The following KCNQ3 variants were observed in gnomAD, a reference collection of about 807,000 sequenced individuals.
KCNQ3 encodes potassium voltage-gated channel subfamily Q member 3.
Under a neutral mutation model 92.5 loss-of-function variants are expected in KCNQ3, and 30 were observed. The observed-to-expected ratio is 0.32, with a 90% CI of 0.24 to 0.44. The LOEUF (loss-of-function observed/expected upper bound fraction) is 0.44. Ranked by LOEUF, KCNQ3 falls within the 20% of genes least tolerant of loss-of-function variation. The probability of loss-of-function intolerance (pLI) is 1.00; values close to 1 mark genes in which losing one functional copy is unlikely to be tolerated. For synonymous variants in KCNQ3, 450 were observed against 468.8 expected, an observed-to-expected ratio of 0.96 and a Z score of 0.52; for missense variants, 913 against 1,140.3, an observed-to-expected ratio of 0.80 and a Z score of 2.87.
chr8:132,131,840 C>A (rs1385418097), intron 14 of KCNQ3, among the ~76,000 whole-genome samples: 1 of 152,116 alleles, frequency 6.6e-6, no homozygotes, highest in Non-Finnish European at 1.5e-5. Flanking sequence ...GTAATCCCAG[C>A]ACTTTGGTAG....
chr8:132,212,024 G>A (rs994507372), intron 1 of KCNQ3, among the ~76,000 whole-genome samples: 3 of 151,460 alleles, frequency 2.0e-5, no homozygotes, highest in African/African-American at 7.3e-5. Context: ...AATTGGTAGA[G>A]CTGGCCTTCA....
intron 1 of KCNQ3, among the ~76,000 whole-genome samples, chr8:132,186,933 TGA>T (rs1206881344): frequency 1.0e-4 from 11 of 106,546 alleles, no homozygotes; most frequent in South Asian, 3.6e-4. Context: ...TGTGTGTGTG[TGA>T]GAGAGAGAGA....
chr8:132,233,295 T>G (rs1814700490), intron 1 of KCNQ3, among the ~76,000 whole-genome samples: 2 of 152,214 alleles, frequency 1.3e-5, no homozygotes, highest in African/African-American at 2.4e-5. Context: ...TGATCCAGAT[T>G]CTGTTAGATG....
intron 1 of KCNQ3, among the ~76,000 whole-genome samples, chr8:132,224,546 C>T (rs1417261422): frequency 1.3e-5 from 2 of 152,066 alleles, no homozygotes; most frequent in Non-Finnish European, 2.9e-5. Context: ...ACAAACTTCT[C>T]CATCAGCAGG....
chr8:132,227,058 CTCTTT>C (rs1814447140), intron 1 of KCNQ3, among the ~76,000 whole-genome samples: 3 of 88,652 alleles, frequency 3.4e-5, no homozygotes, highest in Admixed American at 1.0e-4. Context: ...ACATATCTCA[CTCTTT>C]TTTTTTTTTT....
chr8:132,239,384 C>T (rs1475026159), intron 1 of KCNQ3, among the ~76,000 whole-genome samples: 1 of 152,164 alleles, frequency 6.6e-6, no homozygotes, highest in Non-Finnish European at 1.5e-5. Context: ...AATTTAACAC[C>T]TCTGTAAGTA....
Position 132,261,739 on chromosome 8 carries a change from A to G in KCNQ3, c.387-75558T>C, listed in dbSNP as rs531734824. 7.2e-5 allele frequency among the ~76,000 whole-genome samples: 11 copies of G among 152,290 alleles called. No homozygotes were observed. In the South Asian group the frequency reaches 1.7e-3, roughly 23 times the overall value. ...CCATGTTTTCAGCCTTCACCTGCGC[A>G]AACCCTGGATGCTGAGGCCAACACC... On this transcript the variant is annotated intron_variant, in intron 1 of 14. Transcript: ENST00000388996.
intron 1 of KCNQ3, among the ~76,000 whole-genome samples, chr8:132,274,165 A>T (rs1816250679): frequency 1.3e-5 from 2 of 152,172 alleles, no homozygotes; most frequent in South Asian, 4.1e-4. Flanking sequence ...AGAGACTGGG[A>T]AGAAAAAGAG....
chr8:132,127,358 G>A lies in KCNQ3; in HGVS notation c.*1904C>T, dbSNP rs1306548041. 6.6e-6 allele frequency: 1 copy of A among 152,216 alleles called. No homozygotes were observed. The highest frequency in any genetic ancestry group is 2.4e-5 in the African/African-American group (1 of 41,440). The allele number at this position is 152,216 out of a possible 1,614,324, so 9.4% of individuals were successfully genotyped here. Reference sequence around the variant, plus strand: ...ATGTCTGCCCTTGGCCTGGGACTTTGGGCTTTGGTTCTAAGTTCCTAAAGT... The same window carrying A: ...ATGTCTGCCCTTGGCCTGGGACTTTAGGCTTTGGTTCTAAGTTCCTAAAGT... On this transcript the variant is annotated 3_prime_UTR_variant, in exon 15 of 15. Coordinates refer to ENST00000388996, the MANE Select transcript of KCNQ3 (RefSeq NM_004519.4).
At chr8:132,217,691 A>G (rs1342591692) in intron 1 of KCNQ3, among the ~76,000 whole-genome samples, 2 of 147,352 alleles carry the variant, frequency 1.4e-5, no homozygotes, top group East Asian at 4.0e-4. Flanking sequence ...AGCCTGGGCG[A>G]CAGAGTGAGG....
intron 1 of KCNQ3, among the ~76,000 whole-genome samples, chr8:132,288,220 CAA>C (rs977355435): frequency 2.6e-5 from 4 of 152,152 alleles, no homozygotes; most frequent in Non-Finnish European, 5.9e-5. Flanking sequence ...ATACATATTG[CAA>C]AGTTATTCCC....
At chr8:132,195,059 T>C (rs552616348) in intron 1 of KCNQ3, among the ~76,000 whole-genome samples, 2 of 152,222 alleles carry the variant, frequency 1.3e-5, no homozygotes, top group Non-Finnish European at 2.9e-5. Context: ...CTAAATACCA[T>C]ACACCAGGGT....
At chr8:132,427,728 G>C (rs1263441755) in intron 1 of KCNQ3, among the ~76,000 whole-genome samples, 4 of 152,154 alleles carry the variant, frequency 2.6e-5, no homozygotes, top group African/African-American at 9.7e-5. Context: ...GAGCTCCCCA[G>C]CTCTGCCACA....
At chr8:132,144,065 T>C (rs1362945705) in intron 9 of KCNQ3, among the ~76,000 whole-genome samples, 1 of 152,224 alleles carries the variant, frequency 6.6e-6, no homozygotes, top group East Asian at 1.9e-4. Context: ...GAGAGGACTC[T>C]CTTGGTTCTA....
intron 11 of KCNQ3, 70 bp downstream of exon 11, chr8:132,140,006 C>T (rs1825231359): frequency 2.8e-6 from 3 of 1,072,556 alleles, no homozygotes; most frequent in Non-Finnish European, 1.4e-6. Context: ...ATTTTATAAG[C>T]CCCTTCCTGT....
chr8:132,348,573 G>T (rs1227786118), intron 1 of KCNQ3, among the ~76,000 whole-genome samples: 1 of 152,170 alleles, frequency 6.6e-6, no homozygotes, highest in Non-Finnish European at 1.5e-5. Flanking sequence ...AATTTTAATT[G>T]TATTCCATTT....
chr8:132,375,688 T>C (rs374192961), intron 1 of KCNQ3, among the ~76,000 whole-genome samples: 70 of 152,346 alleles, frequency 4.6e-4, no homozygotes, highest in African/African-American at 1.6e-3. Flanking sequence ...CCTGCAAGAA[T>C]GCACGGAAAC....
At chr8:132,395,516 C>T (rs776965056) in intron 1 of KCNQ3, among the ~76,000 whole-genome samples, 8 of 152,180 alleles carry the variant, frequency 5.3e-5, no homozygotes, top group Non-Finnish European at 1.2e-4. Context: ...CCGGTTACTA[C>T]CAACAATCAC....
At chr8:132,278,139 C>A in intron 1 of KCNQ3, 1 of 985,208 alleles carries the variant, frequency 1.0e-6, no homozygotes, top group Non-Finnish European at 1.2e-6. Context: ...ACTAGAGAAT[C>A]CCCATTTTGT....
Sources: allele counts gnomAD v4.1 joint callset (sites outside exome capture counted in the v4.1 genomes callset), GRCh38; gene constraint gnomAD v4.1.1; transcripts MANE v1.5; gene names NCBI Gene and HGNC (gene_info 2026-07-23, HGNC 2026-07-21).